The following IPO9 variants were observed in gnomAD, a reference collection of about 807,000 sequenced individuals.
IPO9 encodes the protein importin 9.
IPO9 carries 28 observed loss-of-function variants against 128.6 expected under a neutral mutation model. The ratio of observed to expected loss-of-function variants is 0.22; its 90% CI spans 0.16 to 0.30. The LOEUF (loss-of-function observed/expected upper bound fraction) is 0.30. IPO9 is among the 10% of genes least tolerant of loss of function. IPO9 has a pLI of 1.00. For missense variants in IPO9, 935 were observed against 1,293.9 expected (o/e 0.72, Z 4.26); for synonymous variants, 455 against 475.8 (o/e 0.96, Z 0.57).
rs1479051951 is a variant in IPO9, at chr1:201,878,985, A to T, written c.*2931A>T. On this transcript the variant is annotated 3_prime_UTR_variant, in exon 24 of 24. Transcript: ENST00000361565. ...AAAGAGCACTTAGCTGCTCTGAGAC[A>T]TTTTAGTCTCCTGACTGGTAAACAG... 1.3e-5 allele frequency: 2 copies of T among 152,168 alleles called. No individual in the cohort carries two copies. The highest frequency in any genetic ancestry group is 2.4e-5 in the African/African-American group (1 of 41,432). 9.4% of individuals were successfully genotyped at this position (152,168 alleles called of 1,614,324 possible).
intron 4 of IPO9, among the ~76,000 whole-genome samples, chr1:201,849,949 A>G (rs1041988135): frequency 6.6e-5 from 10 of 152,264 alleles, no homozygotes; most frequent in African/African-American, 2.2e-4. Context: ...TTTATTCACC[A>G]CTTCATAGTG....
intron 1 of IPO9, among the ~76,000 whole-genome samples, chr1:201,843,527 C>T (rs1310148020): frequency 6.6e-6 from 1 of 152,216 alleles, no homozygotes; most frequent in Non-Finnish European, 1.5e-5. Flanking sequence ...AAGCCAAATA[C>T]TTTTTAAGAA....
In IPO9 at chr1:201,852,882, C is replaced by T. The variant is rs1680251828; in HGVS notation, c.604-129C>T. 5.7e-6 allele frequency: 4 copies of T among 704,436 alleles called. No individual in the cohort carries two copies. The South Asian group carries it at 7.1e-5, about 13-fold the overall frequency. 43.6% of individuals were successfully genotyped at this position (704,436 alleles called of 1,614,324 possible). On this transcript the variant is annotated intron_variant, in intron 5 of 23. Transcript: ENST00000361565. ...CTGGACATAAATGAATTACATTTCCCATTTCTCGAGGGCATCCAATCTCAT... is the reference window on the plus strand; with the variant it reads ...CTGGACATAAATGAATTACATTTCCTATTTCTCGAGGGCATCCAATCTCAT...
chr1:201,862,100 A>G (rs1032410269), intron 13 of IPO9, among the ~76,000 whole-genome samples: 17 of 152,196 alleles, frequency 1.1e-4, no homozygotes, highest in African/African-American at 3.9e-4. Context: ...TTGGTGGACT[A>G]TGGAATTAAT....
At chr1:201,863,701 A>G (rs1247385776) in intron 14 of IPO9, 94 bp downstream of exon 14, 1 of 1,128,316 alleles carries the variant, frequency 8.9e-7, no homozygotes. Context: ...TTGCTTGGAA[A>G]TCCCTGCTAA....
chr1:201,842,517 C>T (rs1680052879), intron 1 of IPO9, among the ~76,000 whole-genome samples: 1 of 152,146 alleles, frequency 6.6e-6, no homozygotes, highest in Non-Finnish European at 1.5e-5. Context: ...CATCCTGAAG[C>T]TACCTAGGAG....
intron 10 of IPO9, among the ~76,000 whole-genome samples, chr1:201,856,665 A>T (rs1680333675): frequency 7.2e-6 from 1 of 138,412 alleles, no homozygotes. Context: ...TTTTTGTTTC[A>T]GTTTTTGTTG....
In IPO9 at chr1:201,880,355, G is replaced by GGT. The variant is rs1433994641; in HGVS notation, c.*4303_*4304dup. On this transcript the variant is annotated 3_prime_UTR_variant, in exon 24 of 24. Coordinates refer to ENST00000361565, the MANE Select transcript of IPO9 (RefSeq NM_018085.5). Reference sequence around the variant, plus strand: ...GATCCTCATTGCCATGTTCCCTTCTGGTGCTCAACCGGAGGCTCCCTGACA... The same window carrying GGT: ...GATCCTCATTGCCATGTTCCCTTCTGGTGTGCTCAACCGGAGGCTCCCTGACA... 1 of 152,128 alleles carries GGT rather than the reference G, an allele frequency of 6.6e-6. No homozygotes were observed. Among genetic ancestry groups the GGT allele is most frequent in the Non-Finnish European group, 1.5e-5 (1 of 68,042 alleles). The allele number at this position is 152,128 out of a possible 1,614,324, so 9.4% of individuals were successfully genotyped here.
rs1478148350 is a variant in IPO9, at chr1:201,872,872, A to G, written c.2621A>G (p.Asp874Gly). Residue 874 changes from aspartate (D) to glycine (G), a missense_variant, in exon 20 of 24, where the codon GAT becomes GGT. Around this residue, in one of 3 missense-constraint regions of IPO9, gnomAD observed 188 missense variants for 246.7 expected, o/e 0.76. Transcript: ENST00000361565. ...CTGCTCCAGCATGGCATCAATGCAG[A>G]TGACAAACGGCTACAGGATATCCGT... is the stretch of plus-strand genomic sequence containing the variant. ...CKLLQHGINA[D>G]DKRLQDIRVK... 1.2e-6 allele frequency: 2 copies of G among 1,614,024 alleles called. No individual in the cohort carries two copies. Among genetic ancestry groups the G allele is most frequent in the African/African-American group, 1.3e-5 (1 of 75,010 alleles).
intron 15 of IPO9, among the ~76,000 whole-genome samples, chr1:201,867,338 T>A (rs1416882468): frequency 6.6e-6 from 1 of 152,080 alleles, no homozygotes; most frequent in African/African-American, 2.4e-5. Flanking sequence ...AAGAAAGATA[T>A]ATGGAAAAGT....
rs187509933 is a variant in IPO9 at position 201,862,824 on chromosome 1, G to T, written c.1469-624G>T. 4.4e-3 allele frequency among the ~76,000 whole-genome samples: 649 copies of T among 147,750 alleles called. 7 individuals carry two copies. The highest frequency in any genetic ancestry group is 0.015 in the African/African-American group (619 of 40,090). On this transcript the variant is annotated intron_variant, in intron 13 of 23. Transcript: ENST00000361565. ...TTCATCTCAAAAAAAAAAAAAAAAA[G>T]ATTAACTAGTAGTACAGGTAAGGAA...
At chr1:201,840,000 A>C (rs750821814) in intron 1 of IPO9, among the ~76,000 whole-genome samples, 1 of 152,234 alleles carries the variant, frequency 6.6e-6, no homozygotes, top group Non-Finnish European at 1.5e-5. Flanking sequence ...CAGACATACA[A>C]AAAGTGTTTA....
rs1320755514 is a variant in IPO9, at chr1:201,875,098, G to A, written c.2939-54G>A. ...CATGTGGTAGTATATCACCACTCAG[G>A]GCCTGATCATGGGCCTTTGTCCTGA... On this transcript the variant is annotated intron_variant, in intron 22 of 23. Coordinates refer to ENST00000361565, the MANE Select transcript of IPO9 (RefSeq NM_018085.5). 9.8e-6 allele frequency: 15 copies of A among 1,525,768 alleles called. No homozygotes were observed. In the Admixed American group the frequency reaches 2.3e-4, roughly 24 times the overall value. 94.5% of individuals were successfully genotyped at this position (1,525,768 alleles called of 1,614,324 possible).
At chr1:201,848,643 A>C (rs1680162135) in intron 4 of IPO9, 49 bp downstream of exon 4, 1 of 1,578,152 alleles carries the variant, frequency 6.3e-7, no homozygotes, top group Non-Finnish European at 8.7e-7. Flanking sequence ...CTCAAGCGAC[A>C]GGAGTATTAC....
At chr1:201,845,021 T>TG (rs574252839) in intron 1 of IPO9, among the ~76,000 whole-genome samples, 40 of 139,254 alleles carry the variant, frequency 2.9e-4, no homozygotes, top group African/African-American at 7.5e-4. Context: ...GTATTTTTTT[T>TG]GGGAGGGGGG....
At chr1:201,834,754 G>A (rs1216728000) in intron 1 of IPO9, among the ~76,000 whole-genome samples, 1 of 152,184 alleles carries the variant, frequency 6.6e-6, no homozygotes, top group African/African-American at 2.4e-5. Context: ...AAGTCACAGA[G>A]AATACATTTT....
chr1:201,847,782 C>CTA (rs755202698), intron 3 of IPO9, 144 bp downstream of exon 3: 124 of 644,808 alleles, frequency 1.9e-4, no homozygotes, highest in Admixed American at 9.6e-4. Flanking sequence ...GGGCATAGGG[C>CTA]TATACATTAA....
At chr1:201,865,239 C>T (rs1002888811) in intron 14 of IPO9, among the ~76,000 whole-genome samples, 49 of 139,012 alleles carry the variant, frequency 3.5e-4, no homozygotes, top group African/African-American at 1.3e-3. Flanking sequence ...CGGAGTCTTG[C>T]TGTCTGTCGC....
chr1:201,860,448 G>A (rs748854059), intron 13 of IPO9, among the ~76,000 whole-genome samples: 1 of 152,166 alleles, frequency 6.6e-6, no homozygotes, highest in African/African-American at 2.4e-5. Flanking sequence ...TAGAAATCAT[G>A]TCTAATCTTT....
Sources: allele counts gnomAD v4.1 joint callset (sites outside exome capture counted in the v4.1 genomes callset), GRCh38; gene constraint gnomAD v4.1.1; regional missense constraint gnomAD v4.1.1; transcripts MANE v1.5; gene names NCBI Gene and HGNC (gene_info 2026-07-23, HGNC 2026-07-21).